Variants in CDYL observed in about 807,000 individuals in gnomAD.
CDYL encodes the protein chromodomain Y like.
A neutral mutation model predicts 47.3 loss-of-function variants in CDYL; 8 were observed. That is an observed-to-expected ratio of 0.17 (90% CI 0.10 to 0.31). CDYL has a LOEUF of 0.31. CDYL is among the 10% of genes least tolerant of loss of function. The pLI is 1.00. For missense variants in CDYL, 471 were observed against 701.4 expected (o/e 0.67, Z 3.71); for synonymous variants, 266 against 265.0 (o/e 1.00, Z -0.04).
chr6:4,920,060 G>A (rs1757668385), intron 2 of CDYL, among the ~76,000 whole-genome samples: 1 of 152,182 alleles, frequency 6.6e-6, no homozygotes, highest in African/African-American at 2.4e-5. Flanking sequence ...CAATATGGAT[G>A]AACCTTGCGG....
intron 1 of CDYL, among the ~76,000 whole-genome samples, chr6:4,891,343 G>A (rs371481240): frequency 2.6e-5 from 4 of 152,168 alleles, no homozygotes; most frequent in African/African-American, 2.4e-5. Flanking sequence ...GGTGCCCGCT[G>A]CTGGAACCCT....
intron 2 of CDYL, chr6:4,734,728 C>G: frequency 6.2e-7 from 1 of 1,612,354 alleles, no homozygotes; most frequent in Non-Finnish European, 8.5e-7. Flanking sequence ...ATGGGTCCAC[C>G]TCTCTCAGAA....
chr6:4,717,957 T>C (rs1338237406), intron 2 of CDYL, among the ~76,000 whole-genome samples: 2 of 151,846 alleles, frequency 1.3e-5, no homozygotes, highest in African/African-American at 2.4e-5. Flanking sequence ...GGGATCCTCC[T>C]CCCTCAACCT....
intron 1 of CDYL, among the ~76,000 whole-genome samples, chr6:4,786,356 G>A (rs1385397007): frequency 6.6e-6 from 1 of 152,110 alleles, no homozygotes; most frequent in Non-Finnish European, 1.5e-5. Context: ...CTGAGCTGTG[G>A]ATTAGTGGCC....
At chr6:4,798,122 G>A (rs574349426) in intron 1 of CDYL, among the ~76,000 whole-genome samples, 8 of 152,054 alleles carry the variant, frequency 5.3e-5, no homozygotes, top group Non-Finnish European at 7.4e-5. Context: ...GTAAGTGTGT[G>A]CCACTACACC....
At chr6:4,885,920 T>C (rs1288074876) in intron 1 of CDYL, among the ~76,000 whole-genome samples, 1 of 152,204 alleles carries the variant, frequency 6.6e-6, no homozygotes, top group Non-Finnish European at 1.5e-5. Flanking sequence ...CCCTGTTACC[T>C]TCCCCCCAGG....
intron 2 of CDYL, among the ~76,000 whole-genome samples, chr6:4,920,502 C>T (rs948619265): frequency 1.3e-5 from 2 of 152,202 alleles, no homozygotes; most frequent in Non-Finnish European, 2.9e-5. Flanking sequence ...GCGGGTCATG[C>T]AAACAGTGGA....
intron 1 of CDYL, among the ~76,000 whole-genome samples, chr6:4,834,564 T>G (rs1470221728): frequency 6.7e-6 from 1 of 150,034 alleles, no homozygotes; most frequent in Non-Finnish European, 1.5e-5. Flanking sequence ...GGAGTTGCTC[T>G]TCTCGAGGAG....
At chr6:4,917,408 C>G (rs1181516759) in intron 2 of CDYL, among the ~76,000 whole-genome samples, 1 of 152,078 alleles carries the variant, frequency 6.6e-6, no homozygotes, top group African/African-American at 2.4e-5. Context: ...CCGCTAGCTT[C>G]TTGTTGGGGT....
chr6:4,938,780 T>G (rs1025541800), intron 4 of CDYL, among the ~76,000 whole-genome samples: 2 of 152,246 alleles, frequency 1.3e-5, no homozygotes, highest in African/African-American at 4.8e-5. Context: ...AATATGACTT[T>G]GAGATATTTC....
At chr6:4,752,522 T>G (rs1211098313) in intron 3 of CDYL, among the ~76,000 whole-genome samples, 1 of 152,162 alleles carries the variant, frequency 6.6e-6, no homozygotes, top group African/African-American at 2.4e-5. Context: ...TAATATTGAC[T>G]AAGCACCCTC....
chr6:4,900,814 T>TAC (rs1561697666), intron 2 of CDYL, among the ~76,000 whole-genome samples: 1 of 93,402 alleles, frequency 1.1e-5, no homozygotes, highest in Non-Finnish European at 2.3e-5. Flanking sequence ...TATATATATA[T>TAC]ATATATATAT....
At chr6:4,746,061 G>A (rs1046880376) in intron 3 of CDYL, among the ~76,000 whole-genome samples, 3 of 151,900 alleles carry the variant, frequency 2.0e-5, no homozygotes, top group African/African-American at 7.3e-5. Context: ...TCCAATGCAT[G>A]CTTTAGAAGG....
intron 5 of CDYL, among the ~76,000 whole-genome samples, chr6:4,948,784 G>A (rs370266348): frequency 2.4e-4 from 37 of 152,326 alleles, no homozygotes; most frequent in Non-Finnish European, 1.8e-4. Flanking sequence ...CATTTCACTC[G>A]GCGTGAATTC....
intron 2 of CDYL, among the ~76,000 whole-genome samples, chr6:4,922,323 T>G (rs994252295): frequency 6.6e-6 from 1 of 152,194 alleles, no homozygotes; most frequent in Non-Finnish European, 1.5e-5. Flanking sequence ...CACTGGGATT[T>G]CCCCTCTTGC....
intron 1 of CDYL, among the ~76,000 whole-genome samples, chr6:4,883,811 C>T (rs2127479489): frequency 6.6e-6 from 1 of 152,238 alleles, no homozygotes; most frequent in East Asian, 1.9e-4. Flanking sequence ...GTATTATCTC[C>T]CTTGTCTTCC....
intron 1 of CDYL, among the ~76,000 whole-genome samples, chr6:4,710,896 T>C (rs559302829): frequency 7.1e-6 from 1 of 140,718 alleles, no homozygotes; most frequent in African/African-American, 2.7e-5. Flanking sequence ...TGGCAAAGAG[T>C]GTAGATTTCA....
chr6:4,943,478 A>G (rs571393565), intron 4 of CDYL, 68 bp from the exon 5 acceptor site: 1 of 1,150,616 alleles, frequency 8.7e-7, no homozygotes, highest in Non-Finnish European at 1.3e-6. Context: ...ATTGAATTCC[A>G]TAATAGACTT....
At chr6:4,793,365 A>G (rs985836598) in intron 1 of CDYL, among the ~76,000 whole-genome samples, 11 of 151,942 alleles carry the variant, frequency 7.2e-5, no homozygotes, top group African/African-American at 2.7e-4. Context: ...GGGTGGTGTT[A>G]TTTTTAGGTG....
Sources: gnomAD v4.1 joint callset for allele counts (sites outside exome capture counted in the v4.1 genomes callset) on GRCh38, gnomAD v4.1.1 for gene constraint, MANE v1.5 for transcripts, NCBI Gene and HGNC (gene_info 2026-07-23, HGNC 2026-07-21) for gene names.